Variants in NEGR1 observed in about 807,000 individuals in gnomAD.
NEGR1 encodes the protein IgLON family member 4.
A neutral mutation model predicts 40.9 loss-of-function variants in NEGR1; 10 were observed. The ratio of observed to expected loss-of-function variants is 0.24; its 90% CI spans 0.15 to 0.42. The LOEUF (loss-of-function observed/expected upper bound fraction) is 0.42, where lower values mean the gene tolerates loss of function less well. Among genes scored for constraint, NEGR1 ranks in the 10% least tolerant of loss-of-function variants. The pLI, the probability that NEGR1 is intolerant of heterozygous loss-of-function variation, is 1.00. For missense variants in NEGR1, 352 were observed against 438.9 expected (o/e 0.80, Z 1.77); for synonymous variants, 185 against 166.8 (o/e 1.11, Z -0.84).
Position 71,776,301 on chromosome 1 carries a change from A to C in NEGR1, c.410-4T>G. 12 of 1,551,764 alleles carry C rather than the reference A, an allele frequency of 7.7e-6. No homozygotes were observed. The highest frequency in any genetic ancestry group is 6.1e-6 in the Non-Finnish European group (7 of 1,141,668). ...ATGTCATATATCTTAGGAGGAACTG[A>C]AATGACAAAATACGCAGTGATTAGA... On this transcript the variant is annotated splice_polypyrimidine_tract_variant and splice_region_variant and intron_variant, in intron 2 of 6. Transcript: ENST00000357731.
chr1:72,121,543 G>A (rs1649805883), intron 1 of NEGR1, among the ~76,000 whole-genome samples: 1 of 151,804 alleles, frequency 6.6e-6, no homozygotes, highest in South Asian at 2.1e-4. Flanking sequence ...GAGTGTAAAG[G>A]TACAGAAAGA....
chr1:71,847,481 T>C (rs1241054962), intron 2 of NEGR1, among the ~76,000 whole-genome samples: 1 of 152,192 alleles, frequency 6.6e-6, no homozygotes, highest in Non-Finnish European at 1.5e-5. Context: ...GTTTTAAGCA[T>C]TTTCATAATT....
chr1:72,117,869 A>G (rs1649641117), intron 1 of NEGR1, among the ~76,000 whole-genome samples: 1 of 151,692 alleles, frequency 6.6e-6, no homozygotes, highest in Admixed American at 6.6e-5. Flanking sequence ...CTGCAGCCAA[A>G]TGTTATTTAA....
chr1:71,857,457 C>CAAAAAAAAAA (rs34177437), intron 2 of NEGR1, among the ~76,000 whole-genome samples: 230 of 76,994 alleles, frequency 3.0e-3, no homozygotes, highest in Middle Eastern at 9.1e-3. Context: ...ACAAAAAATA[C>CAAAAAAAAAA]AAAAAAAAAA....
intron 1 of NEGR1, among the ~76,000 whole-genome samples, chr1:72,276,022 A>C (rs1171663744): frequency 6.6e-6 from 1 of 152,060 alleles, no homozygotes; most frequent in African/African-American, 2.4e-5. Flanking sequence ...CTTGAGCCCA[A>C]GGATCTAGAG....
intron 6 of NEGR1, among the ~76,000 whole-genome samples, chr1:71,450,914 G>A (rs148323062): frequency 7.2e-5 from 11 of 151,770 alleles, no homozygotes; most frequent in Admixed American, 2.0e-4. Flanking sequence ...TACTTACAGT[G>A]TGAAAAAAAT....
chr1:71,462,764 C>G (rs1366833583), intron 6 of NEGR1, among the ~76,000 whole-genome samples: 1 of 152,012 alleles, frequency 6.6e-6, no homozygotes, highest in Non-Finnish European at 1.5e-5. Flanking sequence ...TGTTTTGGTA[C>G]CAAATTTCAT....
intron 1 of NEGR1, among the ~76,000 whole-genome samples, chr1:72,279,681 T>G (rs1301631094): frequency 6.6e-6 from 1 of 152,196 alleles, no homozygotes; most frequent in Non-Finnish European, 1.5e-5. Context: ...GTAACATTAC[T>G]CTTGATTAAA....
chr1:71,977,814 C>T (rs977017163), intron 1 of NEGR1, among the ~76,000 whole-genome samples: 107 of 128,532 alleles, frequency 8.3e-4, no homozygotes, highest in Non-Finnish European at 1.0e-3. Flanking sequence ...GAGACTAAAG[C>T]GCAAAACAAA....
rs184322387 is a variant in NEGR1, at chr1:71,692,957, T to G, written c.667+5051A>C. 1.3e-4 allele frequency among the ~76,000 whole-genome samples: 20 copies of G among 151,918 alleles called. No individual in the cohort carries two copies. The East Asian group carries it at 3.9e-3, about 29-fold the overall frequency. On this transcript the variant is annotated intron_variant, in intron 4 of 6. Coordinates refer to ENST00000357731, the MANE Select transcript of NEGR1 (RefSeq NM_173808.3). The stretch of plus-strand genomic sequence containing the variant: ...CCAAATAAAATGGTCAATATTTAGA[T>G]CTGACTTTCATGAGTAAAAATTGAA...
At chr1:71,598,073 A>G (rs1219842478) in intron 5 of NEGR1, among the ~76,000 whole-genome samples, 3 of 152,206 alleles carry the variant, frequency 2.0e-5, no homozygotes, top group African/African-American at 7.2e-5. Flanking sequence ...TTTATAGGTG[A>G]GAAAACAGAC....
chr1:72,152,132 A>C (rs1313954422), intron 1 of NEGR1, among the ~76,000 whole-genome samples: 1 of 151,936 alleles, frequency 6.6e-6, no homozygotes, highest in Non-Finnish European at 1.5e-5. Context: ...CTTAAGCATA[A>C]AATGGATCTA....
chr1:71,535,586 C>A lies in NEGR1; in HGVS notation c.940+57231G>T, dbSNP rs566442805. On this transcript the variant is annotated intron_variant, in intron 6 of 6. Coordinates refer to ENST00000357731, the MANE Select transcript of NEGR1 (RefSeq NM_173808.3). Reference sequence around the variant, plus strand: ...GGCCAAGATAAAGTAGAATTCCTGGCGAGGTAATTTTATGTAAAACAAGAA... The same window carrying A: ...GGCCAAGATAAAGTAGAATTCCTGGAGAGGTAATTTTATGTAAAACAAGAA... 3.3e-5 allele frequency among the ~76,000 whole-genome samples: 5 copies of A among 151,636 alleles called. No homozygotes were observed. In the East Asian group the frequency reaches 9.8e-4, roughly 30 times the overall value.
intron 1 of NEGR1, among the ~76,000 whole-genome samples, chr1:72,168,669 C>T (rs769684162): frequency 6.6e-6 from 1 of 152,070 alleles, no homozygotes; most frequent in Non-Finnish European, 1.5e-5. Flanking sequence ...GCAGGCAGAT[C>T]GCTTGAGCCC....
At chr1:72,067,715 G>C (rs1052592877) in intron 1 of NEGR1, among the ~76,000 whole-genome samples, 1 of 151,548 alleles carries the variant, frequency 6.6e-6, no homozygotes, top group Non-Finnish European at 1.5e-5. Flanking sequence ...AACATACTGG[G>C]GGAAAAAAAA....
chr1:71,553,213 GATTT>G (rs1053217223), intron 6 of NEGR1, among the ~76,000 whole-genome samples: 4 of 151,386 alleles, frequency 2.6e-5, no homozygotes, highest in Non-Finnish European at 5.9e-5. Context: ...CTTAACTTTT[GATTT>G]ATATCTAGCC....
Position 72,217,232 on chromosome 1 carries a change from A to G in NEGR1, c.176+65087T>C, listed in dbSNP as rs141023958. ...CCCTTTGTTTATAACAACAGAATAA[A>G]TTGTTAGGTGAAATATCAGATTATG... On this transcript the variant is annotated intron_variant, in intron 1 of 6. Transcript: ENST00000357731. Among the ~76,000 whole-genome samples the G allele has an allele frequency of 5.3e-5, 8 of 151,968 alleles. 1 individual carries two copies. The East Asian group carries it at 1.5e-3, about 29-fold the overall frequency.
chr1:71,616,567 G>T (rs933092049), intron 4 of NEGR1, among the ~76,000 whole-genome samples: 15 of 152,182 alleles, frequency 9.9e-5, no homozygotes, highest in Admixed American at 2.0e-4. Context: ...CAATTAAGCT[G>T]CATCTGGTGG....
At chr1:72,184,097 G>T (rs1240443830) in intron 1 of NEGR1, among the ~76,000 whole-genome samples, 2 of 152,090 alleles carry the variant, frequency 1.3e-5, no homozygotes, top group Admixed American at 6.6e-5. Context: ...ACAGATAAAT[G>T]TACCTTCTCT....
Sources: allele counts gnomAD v4.1 joint callset (sites outside exome capture counted in the v4.1 genomes callset), GRCh38; gene constraint gnomAD v4.1.1; transcripts MANE v1.5; gene names NCBI Gene and HGNC (gene_info 2026-07-23, HGNC 2026-07-21).